Variants in ARNT2 observed in about 807,000 individuals in gnomAD.
The protein encoded by ARNT2 is ARNT protein 2.
ARNT2 carries 36 observed loss-of-function variants against 91.7 expected under a neutral mutation model. The ratio of observed to expected loss-of-function variants is 0.39; its 90% confidence interval spans 0.30 to 0.52. The LOEUF (loss-of-function observed/expected upper bound fraction) is 0.52. ARNT2 is among the 20% of genes least tolerant of loss of function. The pLI is 0.72. For synonymous variants in ARNT2, 365 were observed against 347.1 expected, an observed-to-expected ratio of 1.05 and a Z score of -0.57; for missense variants, 775 against 939.3, an observed-to-expected ratio of 0.83 and a Z score of 2.29.
chr15:80,566,570 C>T (rs891249349), intron 12 of ARNT2, among the ~76,000 whole-genome samples: 7 of 152,246 alleles, frequency 4.6e-5, no homozygotes, highest in Non-Finnish European at 1.0e-4. Context: ...CAAAGCTCCC[C>T]TCCCACCTGG....
intron 11 of ARNT2, chr15:80,559,936 A>G (rs1952255958): frequency 6.6e-6 from 1 of 152,424 alleles, no homozygotes; most frequent in Non-Finnish European, 1.5e-5. Flanking sequence ...CACCTGCACC[A>G]TGCATAGCCA....
intron 8 of ARNT2, among the ~76,000 whole-genome samples, chr15:80,541,651 A>G (rs909429384): frequency 2.0e-5 from 3 of 152,036 alleles, no homozygotes; most frequent in Non-Finnish European, 4.4e-5. Flanking sequence ...TTAATTGAGG[A>G]TATTTGTGTT....
At chr15:80,568,935 C>T (rs894325359) in intron 12 of ARNT2, among the ~76,000 whole-genome samples, 7 of 152,102 alleles carry the variant, frequency 4.6e-5, no homozygotes, top group East Asian at 3.9e-4. Context: ...CACACACACA[C>T]GCGCACACAC....
At chr15:80,590,938 ACT>A (rs1479241142) in intron 17 of ARNT2, among the ~76,000 whole-genome samples, 1 of 152,186 alleles carries the variant, frequency 6.6e-6, no homozygotes, top group Non-Finnish European at 1.5e-5. Flanking sequence ...CAAAGAAAAC[ACT>A]CTGCCAAAGA....
intron 1 of ARNT2, among the ~76,000 whole-genome samples, chr15:80,419,270 G>T (rs185693636): frequency 4.6e-5 from 7 of 152,300 alleles, no homozygotes; most frequent in Admixed American, 6.5e-5. Context: ...AGTGATGCTG[G>T]TACTGCTGGC....
At chr15:80,542,514 G>C (rs897929816) in intron 8 of ARNT2, among the ~76,000 whole-genome samples, 1 of 152,118 alleles carries the variant, frequency 6.6e-6, no homozygotes, top group Non-Finnish European at 1.5e-5. Flanking sequence ...CAATATCTGA[G>C]CTGCTAGTCT....
intron 8 of ARNT2, among the ~76,000 whole-genome samples, chr15:80,541,003 A>G (rs984745462): frequency 7.9e-5 from 12 of 152,322 alleles, no homozygotes; most frequent in Admixed American, 7.2e-4. Context: ...TTGGATATAT[A>G]CCCAGTAATG....
At chr15:80,478,108 T>TA (rs1896833611) in intron 5 of ARNT2, among the ~76,000 whole-genome samples, 1 of 152,198 alleles carries the variant, frequency 6.6e-6, no homozygotes, top group Non-Finnish European at 1.5e-5. Flanking sequence ...GGACACACCT[T>TA]ATAAAGTTAA....
In ARNT2 at chr15:80,576,982, G is replaced by T. The variant is rs1294366011; in HGVS notation, c.1613+17G>T. 1 of 1,612,162 alleles carries T rather than the reference G, an allele frequency of 6.2e-7. No homozygotes were observed. The highest frequency in any genetic ancestry group is 8.5e-7 in the Non-Finnish European group (1 of 1,178,440). On this transcript the variant is annotated intron_variant, in intron 15 of 18. Transcript: ENST00000303329. ...GGCCTTCAGGTATGTGCCAGCGAGG[G>T]GGACAATGGCGTGGGAAGATGCTCC...
intron 11 of ARNT2, among the ~76,000 whole-genome samples, chr15:80,560,564 C>CA (rs1453369430): frequency 6.6e-6 from 1 of 152,160 alleles, no homozygotes; most frequent in East Asian, 1.9e-4. Flanking sequence ...ATGGAGCTAA[C>CA]AAATTTCACA....
At chr15:80,470,178 T>G (rs748839674) in intron 3 of ARNT2, 40 bp from the exon 4 acceptor site, 103 of 1,475,098 alleles carry the variant, frequency 7.0e-5, no homozygotes, top group Non-Finnish European at 9.0e-5. Flanking sequence ...CTGATACTTC[T>G]CTTTTTTCCC....
intron 9 of ARNT2, among the ~76,000 whole-genome samples, chr15:80,551,990 A>G (rs1297433056): frequency 6.6e-6 from 1 of 152,130 alleles, no homozygotes; most frequent in East Asian, 1.9e-4. Flanking sequence ...AATTTGCTCA[A>G]TGTCTGGCAC....
At chr15:80,439,158 A>G (rs941431588) in intron 1 of ARNT2, among the ~76,000 whole-genome samples, 1 of 152,176 alleles carries the variant, frequency 6.6e-6, no homozygotes, top group Non-Finnish European at 1.5e-5. Context: ...AATACATCAT[A>G]CATACAAGGA....
At chr15:80,550,171 G>T (rs1898058958) in intron 8 of ARNT2, among the ~76,000 whole-genome samples, 1 of 152,210 alleles carries the variant, frequency 6.6e-6, no homozygotes, top group African/African-American at 2.4e-5. Context: ...CTGCACATTT[G>T]TGCAAAAGAA....
rs77894979 is a variant in ARNT2 at position 80,591,623 on chromosome 15, G to C, written c.1974G>C (p.Ser658=). 6 of 1,614,182 alleles carry C rather than the reference G, an allele frequency of 3.7e-6. No homozygotes were observed. Among genetic ancestry groups the C allele is most frequent in the Non-Finnish European group, 5.1e-6 (6 of 1,180,020 alleles). ...AAGGGCGGCCCTCGGAAGTCTGGTC[G>C]CAGTGGCAAAGCCAGCACCATGGCC... is the stretch of plus-strand genomic sequence containing the variant. The part of the protein sequence containing the change: ...QFQGRPSEVW[S]QWQSQHHGQQ... The change falls in exon 18 of 19, where the codon TCG becomes TCC. Residue 658 remains serine (S), a synonymous_variant. Coordinates refer to ENST00000303329, the MANE Select transcript of ARNT2 (RefSeq NM_014862.4). The surrounding 1 kb of genome is among the most constrained non-coding windows in gnomAD (Gnocchi z 5.1).
At position 80,404,910 on chromosome 15, in the gene ARNT2, C is replaced by T. The variant is rs972874461; in HGVS notation, c.31+364C>T. On this transcript the variant is annotated intron_variant, in intron 1 of 18. Coordinates refer to ENST00000303329, the MANE Select transcript of ARNT2 (RefSeq NM_014862.4). The surrounding 1 kb of genome is among the most constrained non-coding windows in gnomAD (Gnocchi z 5.5). ...TCCGGTCCCGGCTTTTGTGGCATCA[C>T]GGCGTCAGCCAGTCCTGGCTGGTGG... Among the ~76,000 whole-genome samples the T allele has an allele frequency of 6.6e-6, 1 of 152,226 alleles. No homozygotes were observed. Among genetic ancestry groups the T allele is most frequent in the East Asian group, 1.9e-4 (1 of 5,190 alleles).
At chr15:80,525,416 T>A (rs1206826964) in intron 8 of ARNT2, among the ~76,000 whole-genome samples, 4 of 152,208 alleles carry the variant, frequency 2.6e-5, no homozygotes. Flanking sequence ...GCTTACTGTT[T>A]AGATCCCTCA....
chr15:80,473,909 A>G (rs1391393705), intron 4 of ARNT2, among the ~76,000 whole-genome samples: 1 of 152,166 alleles, frequency 6.6e-6, no homozygotes, highest in African/African-American at 2.4e-5. Context: ...TTACATTCAA[A>G]CAAAAGATTG....
chr15:80,580,612 GTT>G (rs1898777267), intron 16 of ARNT2, 63 bp downstream of exon 16: 3 of 1,604,944 alleles, frequency 1.9e-6, no homozygotes, highest in Non-Finnish European at 2.6e-6. Context: ...TCTGGGAAGT[GTT>G]TTCTTTGGAT....
Sources: allele counts gnomAD v4.1 joint callset (sites outside exome capture counted in the v4.1 genomes callset), GRCh38; gene constraint gnomAD v4.1.1; non-coding constraint Gnocchi (gnomAD v3.1); transcripts MANE v1.5; gene names NCBI Gene and HGNC (gene_info 2026-07-23, HGNC 2026-07-21).